The following PRPF19 variants were observed in gnomAD, a reference collection of about 807,000 sequenced individuals.
PRPF19 encodes pre-mRNA-processing factor 19.
A neutral mutation model predicts 64.2 loss-of-function variants in PRPF19; 2 were observed. The observed-to-expected ratio is 0.03, with a 90% confidence interval of 0.01 to 0.10. The LOEUF (loss-of-function observed/expected upper bound fraction) is 0.10, where lower values mean the gene tolerates loss of function less well. Ranked by LOEUF, PRPF19 falls within the 10% of genes least tolerant of loss-of-function variation. The probability of loss-of-function intolerance (pLI) is 1.00; values close to 1 mark genes in which losing one functional copy is unlikely to be tolerated. For missense variants in PRPF19, 314 were observed against 650.0 expected (o/e 0.48, Z 5.62); for synonymous variants, 226 against 251.6 (o/e 0.90, Z 0.96).
chr11:60,903,585 C>G lies in PRPF19; in HGVS notation c.170-50G>C, dbSNP rs747643004. 8.1e-6 allele frequency: 13 copies of G among 1,601,968 alleles called. No homozygotes were observed. The East Asian group carries it at 2.2e-4, about 28-fold the overall frequency. On this transcript the variant is annotated intron_variant, in intron 2 of 15. Transcript: ENST00000227524. The stretch of plus-strand genomic sequence containing the variant: ...AAGAACATAACCCAGGGGCCTCCCC[C>G]GCCATCACATCTTTTCCTTTTAGCC...
chr11:60,895,764 C>T (rs1191203407), intron 15 of PRPF19, among the ~76,000 whole-genome samples: 1 of 151,876 alleles, frequency 6.6e-6, no homozygotes, highest in East Asian at 1.9e-4. Context: ...CACCGAGAGG[C>T]CATAATACGG....
In PRPF19 at chr11:60,902,489, G is replaced by C. The variant is rs1359882469; in HGVS notation, c.463-24C>G. The C allele has an allele frequency of 6.2e-7, 1 of 1,612,980 alleles. No individual in the cohort carries two copies. The highest frequency in any genetic ancestry group is 1.1e-5 in the South Asian group (1 of 91,058). On this transcript the variant is annotated intron_variant, in intron 5 of 15. Coordinates refer to ENST00000227524, the MANE Select transcript of PRPF19 (RefSeq NM_014502.5). The surrounding 1 kb of genome is among the most constrained non-coding windows in gnomAD (Gnocchi z 5.0). ...CCCTGAAGAGAAGAAAGGTGAGGGT[G>C]AGAGGCACAGAGCACCAAAGACACC...
intron 10 of PRPF19, among the ~76,000 whole-genome samples, 193 bp downstream of exon 10, chr11:60,900,389 A>AGAGAC (rs1855970550): frequency 6.6e-6 from 1 of 152,240 alleles, no homozygotes; most frequent in Non-Finnish European, 1.5e-5. Flanking sequence ...TGGCTGGAAG[A>AGAGAC]TCACTGCTTT....
In PRPF19 at chr11:60,891,257, C is replaced by A; in HGVS notation, c.1424G>T (p.Ser475Ile). 1 of 1,613,394 alleles carries A rather than the reference C, an allele frequency of 6.2e-7. No homozygotes were observed. Among genetic ancestry groups the A allele is most frequent in the Non-Finnish European group, 8.5e-7 (1 of 1,179,738 alleles). ...GAAGGCCACCCCTGTGGTCAGGCCG[C>A]TATGCTCTGAGGAGAAAGATAAGAG... Reference protein sequence around the residue: ...WTEILHFTEHSGLTTGVAFGH... With the variant: ...WTEILHFTEHIGLTTGVAFGH... Residue 475 changes from serine (S) to isoleucine (I), a missense_variant, in exon 16 of 16, where the codon AGC (serine) becomes ATC (isoleucine). This residue lies in a region of PRPF19 where 47 missense variants were observed against 94.5 expected (regional missense o/e 0.50). Coordinates refer to ENST00000227524, the MANE Select transcript of PRPF19 (RefSeq NM_014502.5).
intron 15 of PRPF19, among the ~76,000 whole-genome samples, chr11:60,895,104 T>C (rs1337463693): frequency 1.3e-5 from 2 of 152,222 alleles, no homozygotes; most frequent in Non-Finnish European, 2.9e-5. Flanking sequence ...CCAGCTGCAT[T>C]AGTCCCTAAC....
chr11:60,906,347 C>T lies in PRPF19; in HGVS notation c.19+17G>A, dbSNP rs773411085. 2.9e-5 allele frequency: 46 copies of T among 1,597,962 alleles called. No individual in the cohort carries two copies. Among genetic ancestry groups the T allele is most frequent in the South Asian group, 2.7e-4 (24 of 88,976 alleles). On this transcript the variant is annotated intron_variant, in intron 1 of 15. Transcript: ENST00000227524. ...CTGGCCTCCTGAGACCCGCGCTTGG[C>T]CGCAGCCAACACTCACTGGAGCAGA...
intron 3 of PRPF19, among the ~76,000 whole-genome samples, 165 bp from the exon 4 acceptor site, chr11:60,903,046 G>A (rs576440440): frequency 1.3e-5 from 2 of 152,186 alleles, no homozygotes; most frequent in South Asian, 4.1e-4. Flanking sequence ...AGACACTCTT[G>A]AGCTCCTACC....
In PRPF19 at chr11:60,902,481, G is replaced by A. The variant is rs1855994283; in HGVS notation, c.463-16C>T. On this transcript the variant is annotated splice_polypyrimidine_tract_variant and intron_variant, in intron 5 of 15. Transcript: ENST00000227524. This position sits in a 1 kb window ranked among gnomAD's most constrained non-coding sequence, Gnocchi z 5.0. ...CACCCGCACCCTGAAGAGAAGAAAG[G>A]TGAGGGTGAGAGGCACAGAGCACCA... 1 of 1,613,986 alleles carries A rather than the reference G, an allele frequency of 6.2e-7. No individual in the cohort carries two copies. The highest frequency in any genetic ancestry group is 2.2e-5 in the East Asian group (1 of 44,884).
chr11:60,890,878 C>T lies in PRPF19; in HGVS notation c.*288G>A, dbSNP rs888009155. 2.9e-5 allele frequency: 16 copies of T among 551,888 alleles called. No homozygotes were observed. The highest frequency in any genetic ancestry group is 1.7e-4 in the South Asian group (11 of 65,482). 34.2% of individuals were successfully genotyped at this position (551,888 alleles called of 1,614,324 possible). On this transcript the variant is annotated 3_prime_UTR_variant, in exon 16 of 16. Transcript: ENST00000227524. Reference sequence around the variant, plus strand: ...AATGGGTGTGGAACAGCCACCACCACGTCCATTGAACGACAGGAAGGGAGA... The same window carrying T: ...AATGGGTGTGGAACAGCCACCACCATGTCCATTGAACGACAGGAAGGGAGA...
At position 60,901,318 on chromosome 11, in the gene PRPF19, A is replaced by G. The variant is rs748537450; in HGVS notation, c.619T>C (p.Tyr207His). The G allele has an allele frequency of 6.8e-6, 11 of 1,614,140 alleles. No homozygotes were observed. Among genetic ancestry groups the G allele is most frequent in the Non-Finnish European group, 9.3e-6 (11 of 1,180,024 alleles). ...ACCACGTGGGATGCCACCTGCCGGT[A>G]TTTGCTGAGCTCTTCTGGCTTCACC... ...ELVKPEELSK[Y>H]RQVASHVGLH... Residue 207 changes from tyrosine (Y) to histidine (H), a missense_variant, in exon 8 of 16, where the codon TAC (tyrosine) becomes CAC (histidine). Physicochemically the swap from Tyr to His is moderately conservative, Grantham distance 83. Around this residue, in one of 7 missense-constraint regions of PRPF19, gnomAD observed 175 missense variants for 342.9 expected, o/e 0.51. Coordinates refer to ENST00000227524, the MANE Select transcript of PRPF19 (RefSeq NM_014502.5).
At position 60,894,051 on chromosome 11, in the gene PRPF19, C is replaced by G. The variant is rs1173374638; in HGVS notation, c.1418-2788G>C. Among the ~76,000 whole-genome samples the G allele has an allele frequency of 2.0e-5, 3 of 152,360 alleles. No individual in the cohort carries two copies. In the East Asian group the frequency reaches 5.8e-4, roughly 29 times the overall value. On this transcript the variant is annotated intron_variant, in intron 15 of 15. Transcript: ENST00000227524. ...ACATGCTAACAACCATCAGACACTT[C>G]AGTGAGTTGTCATCTTTTTCCAAGA...
chr11:60,897,995 A>G (rs761435064), intron 14 of PRPF19, 44 bp from the exon 15 acceptor site: 20 of 1,610,562 alleles, frequency 1.2e-5, no homozygotes, highest in Non-Finnish European at 1.5e-5. Context: ...GGGGAACAGA[A>G]ACTATGGGGC....
intron 14 of PRPF19, 42 bp from the exon 15 acceptor site, chr11:60,897,993 G>C: frequency 6.2e-7 from 1 of 1,610,492 alleles, no homozygotes; most frequent in South Asian, 1.1e-5. Context: ...AAGGGGAACA[G>C]AAACTATGGG....
intron 15 of PRPF19, among the ~76,000 whole-genome samples, chr11:60,895,165 T>C (rs531628716): frequency 6.6e-6 from 1 of 152,364 alleles, no homozygotes; most frequent in Non-Finnish European, 1.5e-5. Flanking sequence ...TTGACTTCTC[T>C]CTAGCTGTGC....
At position 60,902,252 on chromosome 11, in the gene PRPF19, A is replaced by G; in HGVS notation, c.525+151T>C. On this transcript the variant is annotated intron_variant, in intron 6 of 15. Coordinates refer to ENST00000227524, the MANE Select transcript of PRPF19 (RefSeq NM_014502.5). The surrounding 1 kb of genome is among the most constrained non-coding windows in gnomAD (Gnocchi z 5.0). ...CATAAAGCTTACAAGTAGTGGCATCAAAATACAAACCCAGGCAATCTGGTC... is the reference window on the plus strand; with the variant it reads ...CATAAAGCTTACAAGTAGTGGCATCGAAATACAAACCCAGGCAATCTGGTC... 1 of 858,672 alleles carries G rather than the reference A, an allele frequency of 1.2e-6. No homozygotes were observed. The highest frequency in any genetic ancestry group is 1.8e-6 in the Non-Finnish European group (1 of 549,462). 53.2% of individuals were successfully genotyped at this position (858,672 alleles called of 1,614,324 possible). A position where few individuals can be genotyped will look rare whatever the true frequency, so the allele number is the denominator to read the frequency against.
At position 60,906,522 on chromosome 11, in the gene PRPF19, C is replaced by G; in HGVS notation, c.-140G>C. The G allele has an allele frequency of 1.1e-6, 1 of 887,164 alleles. No individual in the cohort carries two copies. The highest frequency in any genetic ancestry group is 2.9e-5 in the East Asian group (1 of 34,128). The allele number at this position is 887,164 out of a possible 1,614,324, so 55.0% of individuals were successfully genotyped here. A position where few individuals can be genotyped will look rare whatever the true frequency, so the allele number is the denominator to read the frequency against. The stretch of plus-strand genomic sequence containing the variant: ...GGAGCCGCCAGCCGAGCGATGCTAG[C>G]GTAGCGCTTCACGTGGGAATGGGGA... On this transcript the variant is annotated 5_prime_UTR_variant, in exon 1 of 16. Transcript: ENST00000227524.
intron 1 of PRPF19, chr11:60,905,298 G>T (rs1856033094): frequency 1.3e-5 from 2 of 152,254 alleles, no homozygotes; most frequent in Admixed American, 6.5e-5. Flanking sequence ...TGCCAGGAAG[G>T]ATGGTGCTGG....
Position 60,899,249 on chromosome 11 carries a change from T to C in PRPF19, c.884A>G (p.Asn295Ser), listed in dbSNP as rs771441031. The change falls in exon 11 of 16, where the codon AAT (asparagine) becomes AGT (serine). Residue 295 changes from asparagine to serine, a missense_variant. Asn to Ser is a conservative substitution (Grantham distance 46). Around this residue, in one of 7 missense-constraint regions of PRPF19, gnomAD observed 175 missense variants for 342.9 expected, o/e 0.51. Coordinates refer to ENST00000227524, the MANE Select transcript of PRPF19 (RefSeq NM_014502.5). Reference sequence around the variant, plus strand: ...CCGAACCACCTGTACACAAGAGGCATTGGGGACCGACCAAATCCTGATAGT... The same window carrying C: ...CCGAACCACCTGTACACAAGAGGCACTGGGGACCGACCAAATCCTGATAGT... ...DATIRIWSVP[N>S]ASCVQVVRAH... The C allele has an allele frequency of 7.3e-5, 118 of 1,613,692 alleles. No individual in the cohort carries two copies. The Admixed American group carries it at 1.0e-3, about 14-fold the overall frequency.
intron 15 of PRPF19, among the ~76,000 whole-genome samples, chr11:60,893,577 C>T (rs141565280): frequency 3.8e-4 from 58 of 151,824 alleles, no homozygotes; most frequent in African/African-American, 1.3e-3. Context: ...TCAGGGACAT[C>T]GCTGGTTCAG....
Sources: gnomAD v4.1 joint callset for allele counts (sites outside exome capture counted in the v4.1 genomes callset) on GRCh38, gnomAD v4.1.1 for gene constraint, gnomAD v4.1.1 regional missense constraint, Gnocchi (gnomAD v3.1) non-coding constraint, MANE v1.5 for transcripts, NCBI Gene and HGNC (gene_info 2026-07-23, HGNC 2026-07-21) for gene names.